The following TEX9 variants were observed in gnomAD, a reference collection of about 807,000 sequenced individuals.
TEX9 encodes the protein testis expressed 9.
A neutral mutation model predicts 59.6 loss-of-function variants in TEX9; 74 were observed. That is an observed-to-expected ratio of 1.24 (90% CI 1.03 to 1.51). The LOEUF (loss-of-function observed/expected upper bound fraction) is 1.51, where lower values mean the gene tolerates loss of function less well. Among genes scored for constraint, TEX9 ranks in the 40% most tolerant of loss-of-function variants. The pLI is 0.00. For missense variants in TEX9, 522 were observed against 447.8 expected, an observed-to-expected ratio of 1.17 and a Z score of -1.49; for synonymous variants, 186 against 152.2, an observed-to-expected ratio of 1.22 and a Z score of -1.64.
At chr15:56,311,659 A>T (rs2045620359) in intron 1 of TEX9, among the ~76,000 whole-genome samples, 1 of 147,892 alleles carries the variant, frequency 6.8e-6, no homozygotes, top group Non-Finnish European at 1.5e-5. Flanking sequence ...GTATATACCC[A>T]GTAATGGGAT....
intron 2 of TEX9, 44 bp downstream of exon 2, chr15:56,365,714 G>T: frequency 6.2e-7 from 1 of 1,611,962 alleles, no homozygotes; most frequent in Non-Finnish European, 8.5e-7. Context: ...TCTTTCATCT[G>T]AATGAGGCTG....
intron 1 of TEX9, among the ~76,000 whole-genome samples, chr15:56,252,299 A>G (rs1328302612): frequency 6.6e-6 from 1 of 151,570 alleles, no homozygotes; most frequent in Non-Finnish European, 1.5e-5. Context: ...AATCTTCTCT[A>G]TATCTCCAAC....
At chr15:56,452,522 C>CT in the TEX9 span, among the ~76,000 whole-genome samples, 568 of 138,860 alleles carry the variant, frequency 4.1e-3, 4 homozygotes, top group South Asian at 0.023. Context: ...TTCTTTTTTT[C>CT]TTTTTTTTTT....
intron 10 of TEX9, among the ~76,000 whole-genome samples, chr15:56,416,485 A>G (rs1390562137): frequency 2.6e-5 from 4 of 151,700 alleles, no homozygotes; most frequent in Admixed American, 6.6e-5. Context: ...TTTTTGTCTT[A>G]ATTCTGTTTA....
intron 1 of TEX9, among the ~76,000 whole-genome samples, chr15:56,340,414 C>T (rs2046350083): frequency 6.6e-6 from 1 of 152,160 alleles, no homozygotes; most frequent in South Asian, 2.1e-4. Context: ...TCAATCAGAA[C>T]TTTTATTCAA....
At chr15:56,310,911 C>A (rs1322906427) in intron 1 of TEX9, among the ~76,000 whole-genome samples, 1 of 152,098 alleles carries the variant, frequency 6.6e-6, no homozygotes, top group Non-Finnish European at 1.5e-5. Flanking sequence ...GGGCTCAGTC[C>A]CAACTCTCCT....
intron 3 of TEX9, among the ~76,000 whole-genome samples, chr15:56,373,859 A>G (rs970839322): frequency 2.6e-5 from 4 of 152,062 alleles, no homozygotes; most frequent in African/African-American, 9.7e-5. Context: ...TTTGATTCTT[A>G]CTTTCTATCC....
At chr15:56,429,841 G>A (rs998004336) in intron 12 of TEX9, 6 of 152,052 alleles carry the variant, frequency 3.9e-5, no homozygotes, top group Middle Eastern at 3.2e-3. Context: ...GTCATTTTTG[G>A]ATATCAAGTT....
chr15:56,401,227 C>G (rs1458915447), intron 9 of TEX9, among the ~76,000 whole-genome samples: 1 of 138,698 alleles, frequency 7.2e-6, no homozygotes, highest in Non-Finnish European at 1.5e-5. Flanking sequence ...GTGCTGTATT[C>G]AGGAGACCCA....
chr15:56,412,292 T>C lies in TEX9; in HGVS notation c.829-10T>C, dbSNP rs2049393639. 2 of 1,585,852 alleles carry C rather than the reference T, an allele frequency of 1.3e-6. No individual in the cohort carries two copies. Among genetic ancestry groups the C allele is most frequent in the Non-Finnish European group, 1.7e-6 (2 of 1,171,968 alleles). ...TTTATAAATGTTCCATAATCTTTTT[T>C]ACTATACAGGAATTAGAAAATAAAA... On this transcript the variant is annotated splice_polypyrimidine_tract_variant and intron_variant, in intron 9 of 12. Transcript: ENST00000352903.
At chr15:56,429,355 A>AAGACTTTACATATAT in intron 12 of TEX9, 1 of 553,166 alleles carries the variant, frequency 1.8e-6, no homozygotes, top group Non-Finnish European at 3.1e-6. Flanking sequence ...TTCAAAAAAT[A>AAGACTTTACATATAT]AGACTTTACA....
chr15:56,405,686 C>G (rs924191935), intron 9 of TEX9, among the ~76,000 whole-genome samples: 1 of 151,980 alleles, frequency 6.6e-6, no homozygotes, highest in Non-Finnish European at 1.5e-5. Context: ...CATGAGAACT[C>G]AAGATTGAAT....
At chr15:56,314,922 T>C (rs1167392111) in intron 1 of TEX9, among the ~76,000 whole-genome samples, 1 of 151,710 alleles carries the variant, frequency 6.6e-6, no homozygotes, top group African/African-American at 2.4e-5. Flanking sequence ...CTTTGTCTCT[T>C]TTGATCTTTG....
intron 1 of TEX9, among the ~76,000 whole-genome samples, chr15:56,261,333 A>G (rs1472688260): frequency 1.3e-5 from 2 of 151,936 alleles, no homozygotes; most frequent in Non-Finnish European, 2.9e-5. Context: ...TGATATAGGC[A>G]TGTAAAGTCA....
intron 1 of TEX9, among the ~76,000 whole-genome samples, chr15:56,249,899 T>C (rs1157215684): frequency 1.3e-5 from 2 of 152,126 alleles, no homozygotes; most frequent in Admixed American, 6.5e-5. Flanking sequence ...TAACCTCATA[T>C]GGATGCACAA....
chr15:56,375,200 T>C (rs927806945), intron 3 of TEX9, among the ~76,000 whole-genome samples: 3 of 152,140 alleles, frequency 2.0e-5, no homozygotes, highest in Admixed American at 6.5e-5. Context: ...TTTTAATGAT[T>C]GCCATTCTAA....
At chr15:56,320,777 A>G (rs546242280) in intron 1 of TEX9, among the ~76,000 whole-genome samples, 2 of 152,322 alleles carry the variant, frequency 1.3e-5, no homozygotes, top group South Asian at 2.1e-4. Context: ...ATTACACCTT[A>G]TATCCAGCAT....
intron 10 of TEX9, among the ~76,000 whole-genome samples, chr15:56,419,134 C>G (rs1439454506): frequency 6.6e-6 from 1 of 151,540 alleles, no homozygotes; most frequent in Non-Finnish European, 1.5e-5. Context: ...TCAAACTTAT[C>G]TCTTAGTGTT....
rs187183759 is a variant in TEX9 at position 56,377,271 on chromosome 15, G to A, written c.183+3767G>A. On this transcript the variant is annotated intron_variant, in intron 3 of 12. Transcript: ENST00000352903. ...GTGGTTCCATATAAATTTTAGGATT[G>A]TTTTTTCTATTTCTGTGAAAATGCG... 9.2e-5 allele frequency among the ~76,000 whole-genome samples: 14 copies of A among 152,142 alleles called. No homozygotes were observed. The East Asian group carries it at 2.5e-3, about 27-fold the overall frequency.
Sources: gnomAD v4.1 joint callset for allele counts (sites outside exome capture counted in the v4.1 genomes callset) on GRCh38, gnomAD v4.1.1 for gene constraint, MANE v1.5 for transcripts, NCBI Gene and HGNC (gene_info 2026-07-23, HGNC 2026-07-21) for gene names.